The following ADGRL3 variants were observed in gnomAD, a reference collection of about 807,000 sequenced individuals.
The protein encoded by ADGRL3 is calcium-independent alpha-latrotoxin receptor 3.
A neutral mutation model predicts 153.5 loss-of-function variants in ADGRL3; 62 were observed. The observed-to-expected ratio is 0.40, with a 90% CI of 0.33 to 0.50. The LOEUF (loss-of-function observed/expected upper bound fraction) is 0.50, where lower values mean the gene tolerates loss of function less well. Ranked by LOEUF, ADGRL3 falls within the 20% of genes least tolerant of loss-of-function variation. ADGRL3 has a pLI of 0.47. For missense variants in ADGRL3, 1,641 were observed against 1,859.4 expected (o/e 0.88, Z 2.16); for synonymous variants, 710 against 672.5 (o/e 1.06, Z -0.86).
chr4:61,541,839 G>A (rs1025094430), intron 4 of ADGRL3, among the ~76,000 whole-genome samples: 1 of 74,510 alleles, frequency 1.3e-5, no homozygotes, highest in East Asian at 3.3e-4. Context: ...ATGTGTGTGT[G>A]TATACACACA....
chr4:61,891,592 G>T (rs746289187), intron 9 of ADGRL3, among the ~76,000 whole-genome samples: 1 of 152,084 alleles, frequency 6.6e-6, no homozygotes, highest in Non-Finnish European at 1.5e-5. Context: ...ACCTCCTCGG[G>T]GCAGCGGAGA....
chr4:61,373,799 C>G (rs1421133725), intron 1 of ADGRL3, among the ~76,000 whole-genome samples: 2 of 152,068 alleles, frequency 1.3e-5, no homozygotes, highest in Non-Finnish European at 2.9e-5. Flanking sequence ...CTACAAAAAG[C>G]CAACAGGTTA....
chr4:62,012,065 T>C (rs189727002), intron 21 of ADGRL3, among the ~76,000 whole-genome samples: 2 of 152,262 alleles, frequency 1.3e-5, no homozygotes, highest in African/African-American at 4.8e-5. Flanking sequence ...ATTTGCTGAC[T>C]TAAAAAATTT....
chr4:61,745,920 G>T (rs1231328314), intron 8 of ADGRL3, among the ~76,000 whole-genome samples: 1 of 152,122 alleles, frequency 6.6e-6, no homozygotes, highest in Non-Finnish European at 1.5e-5. Flanking sequence ...CTGGCAAATT[G>T]GATAAAGAGT....
chr4:61,874,169 G>A (rs1368687474), intron 9 of ADGRL3, among the ~76,000 whole-genome samples: 3 of 152,094 alleles, frequency 2.0e-5, no homozygotes, highest in Non-Finnish European at 4.4e-5. Flanking sequence ...TGCTACTCTG[G>A]ATGAAGTTCT....
At chr4:61,541,681 C>G (rs867711) in intron 4 of ADGRL3, among the ~76,000 whole-genome samples, 41,557 of 151,950 alleles carry the variant, frequency 0.27, 6,868 homozygotes, top group Non-Finnish European at 0.37. Flanking sequence ...TTTCCAGAGG[C>G]AGCTCTCTGC....
chr4:61,552,817 T>G (rs548579066), intron 4 of ADGRL3, among the ~76,000 whole-genome samples: 8 of 152,260 alleles, frequency 5.3e-5, no homozygotes, highest in African/African-American at 1.4e-4. Context: ...CTTTGTATAC[T>G]TAAAATATCT....
intron 5 of ADGRL3, among the ~76,000 whole-genome samples, chr4:61,617,499 C>T (rs184980681): frequency 4.6e-5 from 7 of 152,196 alleles, no homozygotes; most frequent in South Asian, 2.1e-4. Context: ...CATTATTTTC[C>T]GTGGTCACCA....
chr4:61,757,903 T>A (rs1003847221), intron 8 of ADGRL3, among the ~76,000 whole-genome samples: 1 of 152,216 alleles, frequency 6.6e-6, no homozygotes, highest in African/African-American at 2.4e-5. Context: ...AGGAGCAGGT[T>A]GCTCAGTTTC....
At chr4:61,465,266 A>T (rs772341559) in intron 2 of ADGRL3, among the ~76,000 whole-genome samples, 1 of 152,190 alleles carries the variant, frequency 6.6e-6, no homozygotes, top group African/African-American at 2.4e-5. Flanking sequence ...TTTAAATACC[A>T]TTTCATTTAT....
At chr4:61,293,326 C>T (rs2094294103) in intron 1 of ADGRL3, among the ~76,000 whole-genome samples, 1 of 152,132 alleles carries the variant, frequency 6.6e-6, no homozygotes. Context: ...CTGCATAAAA[C>T]ATGATTTCTG....
At chr4:61,596,484 A>G (rs2098989586) in intron 5 of ADGRL3, among the ~76,000 whole-genome samples, 1 of 152,280 alleles carries the variant, frequency 6.6e-6, no homozygotes, top group East Asian at 1.9e-4. Context: ...ATTGTGTAGC[A>G]TTCTGATTTT....
chr4:61,865,986 A>G (rs1375233670), intron 9 of ADGRL3, among the ~76,000 whole-genome samples: 4 of 152,178 alleles, frequency 2.6e-5, no homozygotes, highest in African/African-American at 9.7e-5. Flanking sequence ...AGTGAAAATG[A>G]ATGATGCATG....
intron 9 of ADGRL3, among the ~76,000 whole-genome samples, chr4:61,828,447 CA>C (rs1038741307): frequency 3.9e-5 from 6 of 152,016 alleles, no homozygotes; most frequent in African/African-American, 1.4e-4. Context: ...GATGTAGGGG[CA>C]AACATTTAAA....
chr4:61,465,325 G>T (rs2097865774), intron 2 of ADGRL3, among the ~76,000 whole-genome samples: 1 of 152,052 alleles, frequency 6.6e-6, no homozygotes, highest in South Asian at 2.1e-4. Context: ...TCCAAAAGAA[G>T]ATGGGTAGGC....
chr4:61,778,604 T>A (rs1004220196), intron 8 of ADGRL3, among the ~76,000 whole-genome samples: 1 of 152,248 alleles, frequency 6.6e-6, no homozygotes, highest in Non-Finnish European at 1.5e-5. Flanking sequence ...ATGCCCTTTT[T>A]ATGTTGTACT....
At chr4:61,464,690 T>A (rs2097859413) in intron 2 of ADGRL3, among the ~76,000 whole-genome samples, 1 of 152,204 alleles carries the variant, frequency 6.6e-6, no homozygotes. Flanking sequence ...GAACATGAAT[T>A]GCATATAACT....
chr4:62,040,072 C>T (rs1022119185), intron 24 of ADGRL3, among the ~76,000 whole-genome samples: 2 of 152,008 alleles, frequency 1.3e-5, no homozygotes, highest in African/African-American at 4.8e-5. Context: ...TGCCACGTAC[C>T]AGCTATGACA....
At position 61,262,169 on chromosome 4, in the gene ADGRL3, A is replaced by G. The variant is rs185350165; in HGVS notation, c.-240+60404A>G. On this transcript the variant is annotated intron_variant, in intron 1 of 26. Transcript: ENST00000683033. ...GATTTTTACATTTTGGCAGTGCCAC[A>G]GCAGTGTCCTGGCATGTGGTATGAT... is the stretch of plus-strand genomic sequence containing the variant. Among the ~76,000 whole-genome samples, 749 of 152,314 alleles carry G rather than the reference A, an allele frequency of 4.9e-3. 5 individuals are homozygous for G. The highest frequency in any genetic ancestry group is 8.0e-3 in the Non-Finnish European group (545 of 68,024).
Sources: gnomAD v4.1 joint callset for allele counts (sites outside exome capture counted in the v4.1 genomes callset) on GRCh38, gnomAD v4.1.1 for gene constraint, MANE v1.5 for transcripts, NCBI Gene and HGNC (gene_info 2026-07-23, HGNC 2026-07-21) for gene names.